The following SHISAL1 variants were observed in gnomAD, a reference collection of about 807,000 sequenced individuals.
SHISAL1 encodes the protein shisa like 1.
Under a neutral mutation model 22.6 loss-of-function variants are expected in SHISAL1, and 9 were observed. The observed-to-expected ratio is 0.40, with a 90% confidence interval of 0.24 to 0.70. The LOEUF is 0.70. Among genes scored for constraint, SHISAL1 ranks in the 30% least tolerant of loss-of-function variants. SHISAL1 has a pLI of 0.39. For synonymous variants in SHISAL1, 119 were observed against 115.4 expected, an observed-to-expected ratio of 1.03 and a Z score of -0.20; for missense variants, 246 against 270.6, an observed-to-expected ratio of 0.91 and a Z score of 0.64.
intron 4 of SHISAL1, among the ~76,000 whole-genome samples, chr22:44,256,862 A>G (rs2055088405): frequency 6.6e-6 from 1 of 152,222 alleles, no homozygotes. Flanking sequence ...TTCCAAGAAA[A>G]GAGAAATTAC....
the SHISAL1 span, among the ~76,000 whole-genome samples, chr22:44,319,327 C>T: frequency 6.6e-6 from 1 of 152,256 alleles, no homozygotes; most frequent in Non-Finnish European, 1.5e-5. Flanking sequence ...GAAGATCACA[C>T]AGCTGCTGAG....
At chr22:44,264,528 G>C (rs956314583) in intron 4 of SHISAL1, among the ~76,000 whole-genome samples, 1 of 150,108 alleles carries the variant, frequency 6.7e-6, no homozygotes, top group African/African-American at 2.4e-5. Context: ...ATGTGCAGGG[G>C]TTTGGGGCAC....
At chr22:44,283,141 G>A (rs76556518) in intron 4 of SHISAL1, among the ~76,000 whole-genome samples, 240 of 152,320 alleles carry the variant, frequency 1.6e-3, no homozygotes, top group Non-Finnish European at 2.5e-3. Flanking sequence ...GCGGGAGTGG[G>A]ACGGTGCCCG....
rs199897031 is a variant in SHISAL1 at position 44,249,659 on chromosome 22, C to G, written c.*26G>C. 981 of 779,958 alleles carry G rather than the reference C, an allele frequency of 1.3e-3. 3 individuals carry two copies. The highest frequency in any genetic ancestry group is 5.8e-3 in the Middle Eastern group (21 of 3,612). 48.3% of individuals were successfully genotyped at this position (779,958 alleles called of 1,614,324 possible). On this transcript the variant is annotated 3_prime_UTR_variant, in exon 5 of 5. Transcript: ENST00000381176. Reference sequence around the variant, plus strand: ...CGGGTGCTTCAGATCTCATCTCCCCCATCCTGAGGCACAGCAAAAGCGTTT... The same window carrying G: ...CGGGTGCTTCAGATCTCATCTCCCCGATCCTGAGGCACAGCAAAAGCGTTT...
the SHISAL1 span, among the ~76,000 whole-genome samples, chr22:44,325,555 A>C: frequency 1.3e-5 from 2 of 152,140 alleles, no homozygotes; most frequent in Non-Finnish European, 2.9e-5. Flanking sequence ...TCTATAGAAT[A>C]ACTTATTCTA....
rs73888990 is a variant in SHISAL1, at chr22:44,309,624, C to T, written c.-33+3127G>A. On this transcript the variant is annotated intron_variant, in intron 1 of 4. Coordinates refer to ENST00000381176, the MANE Select transcript of SHISAL1 (RefSeq NM_001099294.2). ...GGTCTGCTCCTGTGCCCTGTCTCCACGACTCATAAGAGTGTTTACCCCTGC... is the reference window on the plus strand; with the variant it reads ...GGTCTGCTCCTGTGCCCTGTCTCCATGACTCATAAGAGTGTTTACCCCTGC... Among the ~76,000 whole-genome samples, 1,022 of 152,280 alleles carry T rather than the reference C, an allele frequency of 6.7e-3. 11 individuals are homozygous for T. The highest frequency in any genetic ancestry group is 0.021 in the African/African-American group (890 of 41,544).
intron 4 of SHISAL1, among the ~76,000 whole-genome samples, chr22:44,256,186 A>G (rs1439409109): frequency 2.1e-5 from 3 of 146,076 alleles, no homozygotes; most frequent in African/African-American, 7.7e-5. Context: ...CCTGGGTCTC[A>G]GGACTGGAAC....
chr22:44,285,342 C>A, intron 4 of SHISAL1, 86 bp downstream of exon 4: 1 of 1,414,318 alleles, frequency 7.1e-7, no homozygotes, highest in Non-Finnish European at 9.9e-7. Flanking sequence ...ATGAGCCAAA[C>A]ACTATGGCGA....
Position 44,310,024 on chromosome 22 carries a change from A to G in SHISAL1, c.-33+2727T>C, listed in dbSNP as rs116924960. On this transcript the variant is annotated intron_variant, in intron 1 of 4. Coordinates refer to ENST00000381176, the MANE Select transcript of SHISAL1 (RefSeq NM_001099294.2). The surrounding 1 kb of genome is among the most constrained non-coding windows in gnomAD (Gnocchi z 4.0). ...AGGCAGCCAGAGTGTATGGCTGGAG[A>G]AGGACAGAGAAGCAGCCCGTTCGCC... Among the ~76,000 whole-genome samples, 2 of 152,038 alleles carry G rather than the reference A, an allele frequency of 1.3e-5. No individual in the cohort carries two copies. Among genetic ancestry groups the G allele is most frequent in the Non-Finnish European group, 2.9e-5 (2 of 68,012 alleles).
intron 4 of SHISAL1, among the ~76,000 whole-genome samples, chr22:44,278,309 C>T (rs982138550): frequency 3.3e-5 from 5 of 152,230 alleles, no homozygotes; most frequent in Non-Finnish European, 7.3e-5. Context: ...TTCCTTGCTC[C>T]TCAGCCTGCA....
At chr22:44,252,021 CA>C (rs2055051200) in intron 4 of SHISAL1, among the ~76,000 whole-genome samples, 4 of 152,302 alleles carry the variant, frequency 2.6e-5, no homozygotes, top group Admixed American at 2.6e-4. Context: ...GGAGCCCTGC[CA>C]AGAGTGCCAG....
At chr22:44,260,674 G>A (rs1386323134) in intron 4 of SHISAL1, among the ~76,000 whole-genome samples, 1 of 152,270 alleles carries the variant, frequency 6.6e-6, no homozygotes, top group African/African-American at 2.4e-5. Flanking sequence ...ACGCTTGCCT[G>A]TAGGCCACAG....
At chr22:44,300,306 G>A (rs2055419250) in intron 2 of SHISAL1, among the ~76,000 whole-genome samples, 1 of 152,196 alleles carries the variant, frequency 6.6e-6, no homozygotes, top group Non-Finnish European at 1.5e-5. Context: ...CTTGCTGGGA[G>A]CAGGCCCTGG....
chr22:44,306,032 A>G (rs1489687766), intron 1 of SHISAL1, among the ~76,000 whole-genome samples: 1 of 152,226 alleles, frequency 6.6e-6, no homozygotes, highest in Non-Finnish European at 1.5e-5. Context: ...TAATGATCTG[A>G]GACAGCAAAG....
intron 4 of SHISAL1, among the ~76,000 whole-genome samples, chr22:44,251,042 G>A (rs529157350): frequency 2.6e-5 from 4 of 152,322 alleles, no homozygotes; most frequent in African/African-American, 9.6e-5. Context: ...AACTAAGCCA[G>A]GTCCAGGTAC....
intron 3 of SHISAL1, among the ~76,000 whole-genome samples, chr22:44,295,124 T>C (rs1569221679): frequency 6.6e-6 from 1 of 152,158 alleles, no homozygotes; most frequent in South Asian, 2.1e-4. Context: ...GAGGAGCCCA[T>C]TAAGATATTA....
At chr22:44,325,943 T>C in the SHISAL1 span, among the ~76,000 whole-genome samples, 1 of 151,880 alleles carries the variant, frequency 6.6e-6, no homozygotes, top group African/African-American at 2.4e-5. Flanking sequence ...AAGCCCTCCC[T>C]GACCCCTCTC....
At chr22:44,271,509 A>G (rs1486971780) in intron 4 of SHISAL1, among the ~76,000 whole-genome samples, 1 of 152,214 alleles carries the variant, frequency 6.6e-6, no homozygotes, top group Non-Finnish European at 1.5e-5. Flanking sequence ...CATCATTCTG[A>G]TGGGAGCCAA....
chr22:44,292,328 T>C (rs552848735), intron 3 of SHISAL1, among the ~76,000 whole-genome samples: 40 of 152,290 alleles, frequency 2.6e-4, no homozygotes, highest in Admixed American at 2.5e-3. Flanking sequence ...TACTGGAACA[T>C]CCAGCCTTTT....
Sources: gnomAD v4.1 joint callset for allele counts (sites outside exome capture counted in the v4.1 genomes callset) on GRCh38, gnomAD v4.1.1 for gene constraint, Gnocchi (gnomAD v3.1) non-coding constraint, MANE v1.5 for transcripts, NCBI Gene and HGNC (gene_info 2026-07-23, HGNC 2026-07-21) for gene names.